KCNQ5: variants seen among roughly 807,000 people sequenced by gnomAD.
KCNQ5 encodes the protein potassium voltage-gated channel subfamily KQT member 5.
In KCNQ5, 30 loss-of-function variants were observed where a neutral mutation model predicts 98.2. That is an observed-to-expected ratio of 0.31 (90% CI 0.23 to 0.41). The LOEUF (loss-of-function observed/expected upper bound fraction) is 0.41, where lower values mean the gene tolerates loss of function less well. Among genes scored for constraint, KCNQ5 ranks in the 10% least tolerant of loss-of-function variants. The pLI, the probability that KCNQ5 is intolerant of heterozygous loss-of-function variation, is 1.00. For synonymous variants in KCNQ5, 458 were observed against 449.4 expected (o/e 1.02, Z -0.24); for missense variants, 835 against 1,182.5 (o/e 0.71, Z 4.31).
intron 11 of KCNQ5, among the ~76,000 whole-genome samples, chr6:73,173,992 G>C (rs563464577): frequency 6.6e-6 from 1 of 151,966 alleles, no homozygotes; most frequent in Non-Finnish European, 1.5e-5. Context: ...TTTGGGGAAA[G>C]AGCTTTGTTA....
chr6:73,039,238 T>A (rs1480459701), intron 2 of KCNQ5, among the ~76,000 whole-genome samples: 1 of 152,198 alleles, frequency 6.6e-6, no homozygotes, highest in African/African-American at 2.4e-5. Flanking sequence ...GAAAGAGATT[T>A]ATCAACTTTA....
rs1285243570 is a variant in KCNQ5, at chr6:72,979,510, C to T, written c.399-24398C>T. ...GTCTGTTCATATCCTTTGCCCACTT[C>T]TTGATGGGGTTGTTTGATTTTTTTC... On this transcript the variant is annotated intron_variant, in intron 1 of 13. Coordinates refer to ENST00000370398, the MANE Select transcript of KCNQ5 (RefSeq NM_019842.4). Among the ~76,000 whole-genome samples the T allele has an allele frequency of 2.7e-4, 41 of 151,766 alleles. 2 individuals carry two copies. The highest frequency in any genetic ancestry group is 1.5e-5 in the Non-Finnish European group (1 of 67,888).
intron 1 of KCNQ5, among the ~76,000 whole-genome samples, chr6:72,815,868 C>A (rs1775488262): frequency 6.6e-6 from 1 of 152,170 alleles, no homozygotes. Context: ...GGAAAGATGA[C>A]AAGTTTAACT....
At chr6:73,162,728 T>C (rs1777660390) in intron 10 of KCNQ5, among the ~76,000 whole-genome samples, 1 of 152,216 alleles carries the variant, frequency 6.6e-6, no homozygotes. Context: ...ACAAATAAAA[T>C]TGTTTCCTTC....
At chr6:73,100,645 G>A (rs1176538282) in intron 5 of KCNQ5, among the ~76,000 whole-genome samples, 1 of 151,300 alleles carries the variant, frequency 6.6e-6, no homozygotes, top group Non-Finnish European at 1.5e-5. Context: ...CTCCAGCCTG[G>A]GCAACAGAGT....
chr6:72,961,812 A>G (rs1392338202), intron 1 of KCNQ5, among the ~76,000 whole-genome samples: 1 of 152,034 alleles, frequency 6.6e-6, no homozygotes, highest in East Asian at 1.9e-4. Context: ...ACAGAGGAGA[A>G]CAGAGAGATT....
intron 1 of KCNQ5, among the ~76,000 whole-genome samples, chr6:72,791,063 A>G (rs1402628132): frequency 6.6e-6 from 1 of 152,216 alleles, no homozygotes; most frequent in African/African-American, 2.4e-5. Flanking sequence ...GAAGAAAATA[A>G]ACAGGATGTG....
chr6:72,726,946 A>G (rs1175279650), intron 1 of KCNQ5, among the ~76,000 whole-genome samples: 2 of 152,222 alleles, frequency 1.3e-5, no homozygotes, highest in Non-Finnish European at 2.9e-5. Flanking sequence ...GGCTCAAGCA[A>G]TCTTGAGGCT....
chr6:72,842,947 T>G (rs1292084252), intron 1 of KCNQ5, among the ~76,000 whole-genome samples: 1 of 152,200 alleles, frequency 6.6e-6, no homozygotes, highest in African/African-American at 2.4e-5. Flanking sequence ...GCCTGTTTGC[T>G]CTGATGATAG....
chr6:72,842,418 T>C (rs1215455905), intron 1 of KCNQ5, among the ~76,000 whole-genome samples: 1 of 152,230 alleles, frequency 6.6e-6, no homozygotes, highest in African/African-American at 2.4e-5. Context: ...TCATTTGTAT[T>C]GGCCAGACAA....
intron 1 of KCNQ5, among the ~76,000 whole-genome samples, chr6:72,673,404 A>AT (rs1217643138): frequency 6.6e-6 from 1 of 152,208 alleles, no homozygotes; most frequent in Admixed American, 6.5e-5. Flanking sequence ...AAAATGTCCA[A>AT]TTTTTATTTT....
intron 1 of KCNQ5, among the ~76,000 whole-genome samples, chr6:72,671,774 A>G (rs931480390): frequency 6.6e-6 from 1 of 152,166 alleles, no homozygotes; most frequent in African/African-American, 2.4e-5. Context: ...GTATATGTAT[A>G]CACATAGATA....
At chr6:72,906,119 T>C (rs752974813) in intron 1 of KCNQ5, among the ~76,000 whole-genome samples, 6 of 152,108 alleles carry the variant, frequency 3.9e-5, no homozygotes, top group East Asian at 1.9e-4. Flanking sequence ...AATAGAGTTA[T>C]GTAGGTAGGA....
At chr6:72,982,120 A>G (rs1768491534) in intron 1 of KCNQ5, among the ~76,000 whole-genome samples, 1 of 152,196 alleles carries the variant, frequency 6.6e-6, no homozygotes, top group Admixed American at 6.5e-5. Context: ...GCTGAGAAGA[A>G]TGTATATTCT....
intron 1 of KCNQ5, among the ~76,000 whole-genome samples, chr6:72,825,594 T>C (rs987362822): frequency 2.6e-5 from 4 of 152,122 alleles, no homozygotes; most frequent in African/African-American, 9.7e-5. Flanking sequence ...GAAGAGAGCA[T>C]GACTTAGAAT....
intron 1 of KCNQ5, among the ~76,000 whole-genome samples, chr6:72,722,491 C>A (rs1485322169): frequency 6.6e-6 from 1 of 152,170 alleles, no homozygotes; most frequent in African/African-American, 2.4e-5. Context: ...CCTGATTCTG[C>A]CACAACTACC....
intron 7 of KCNQ5, among the ~76,000 whole-genome samples, chr6:73,120,158 A>G (rs1775687593): frequency 6.6e-6 from 1 of 152,076 alleles, no homozygotes; most frequent in African/African-American, 2.4e-5. Flanking sequence ...AGGCACAAGA[A>G]TCACTTGAAC....
chr6:73,054,160 G>A (rs912386281), intron 3 of KCNQ5, among the ~76,000 whole-genome samples: 2 of 152,022 alleles, frequency 1.3e-5, no homozygotes, highest in African/African-American at 4.8e-5. Context: ...ATTGAATCCT[G>A]GACAGAGACC....
intron 1 of KCNQ5, among the ~76,000 whole-genome samples, chr6:72,890,522 G>A (rs530459547): frequency 7.2e-5 from 11 of 152,156 alleles, no homozygotes; most frequent in African/African-American, 2.4e-4. Flanking sequence ...TAGCAGTGGG[G>A]TTGTGGTGTG....
Sources: allele counts gnomAD v4.1 joint callset (sites outside exome capture counted in the v4.1 genomes callset), GRCh38; gene constraint gnomAD v4.1.1; transcripts MANE v1.5; gene names NCBI Gene and HGNC (gene_info 2026-07-23, HGNC 2026-07-21).